Variants in APBB2 observed in about 807,000 individuals in gnomAD.
APBB2 encodes amyloid beta precursor protein binding family B member 2, also known as Fe65-like 1.
A neutral mutation model predicts 82.5 loss-of-function variants in APBB2; 38 were observed. That is an observed-to-expected ratio of 0.46 (90% CI 0.36 to 0.60). The LOEUF (loss-of-function observed/expected upper bound fraction) is 0.60. Among genes scored for constraint, APBB2 ranks in the 20% least tolerant of loss-of-function variants. The pLI is 0.00. For synonymous variants in APBB2, 341 were observed against 368.2 expected, an observed-to-expected ratio of 0.93 and a Z score of 0.85; for missense variants, 772 against 972.3, an observed-to-expected ratio of 0.79 and a Z score of 2.74.
intron 1 of APBB2, among the ~76,000 whole-genome samples, chr4:41,206,623 C>T (rs1777998532): frequency 6.6e-6 from 1 of 152,064 alleles, no homozygotes; most frequent in Non-Finnish European, 1.5e-5. Flanking sequence ...GTCTCTACAC[C>T]CAAATCATGC....
chr4:40,864,812 C>T (rs1415374659), intron 12 of APBB2, among the ~76,000 whole-genome samples: 1 of 151,570 alleles, frequency 6.6e-6, no homozygotes, highest in East Asian at 1.9e-4. Flanking sequence ...TGTTATCCTC[C>T]ATGGTTCAGA....
intron 6 of APBB2, among the ~76,000 whole-genome samples, chr4:41,007,775 T>C (rs1807177230): frequency 6.6e-6 from 1 of 152,244 alleles, no homozygotes; most frequent in Admixed American, 6.5e-5. Context: ...TGAGTAACTT[T>C]ATGGAGCCTT....
chr4:41,082,928 C>T lies in APBB2; in HGVS notation c.-148-17255G>A, dbSNP rs141848142. Among the ~76,000 whole-genome samples, 78 of 151,994 alleles carry T rather than the reference C, an allele frequency of 5.1e-4. No individual in the cohort carries two copies. The East Asian group carries it at 0.013, about 26-fold the overall frequency. ...CTGTAATCCTAGCACCTTGGGAGGCCGAGGCGGGAAGATCACTTGAGGTCA... is the reference window on the plus strand; with the variant it reads ...CTGTAATCCTAGCACCTTGGGAGGCTGAGGCGGGAAGATCACTTGAGGTCA... On this transcript the variant is annotated intron_variant, in intron 3 of 17. Transcript: ENST00000508593.
chr4:41,164,273 G>T (rs1414307306), intron 1 of APBB2, among the ~76,000 whole-genome samples: 2 of 152,256 alleles, frequency 1.3e-5, no homozygotes, highest in Non-Finnish European at 2.9e-5. Flanking sequence ...CATCACAATG[G>T]CAGCTAAAAA....
chr4:40,930,116 A>G (rs1272034335), intron 10 of APBB2, among the ~76,000 whole-genome samples: 3 of 152,156 alleles, frequency 2.0e-5, no homozygotes, highest in Non-Finnish European at 4.4e-5. Flanking sequence ...AAATGAGAAA[A>G]TGTGAATAAA....
chr4:40,992,289 G>A (rs866800282), intron 6 of APBB2, among the ~76,000 whole-genome samples: 98 of 150,974 alleles, frequency 6.5e-4, no homozygotes, highest in African/African-American at 8.7e-4. Flanking sequence ...TCAGCCTCCC[G>A]AGTAGCTGGT....
chr4:40,880,525 C>T, intron 12 of APBB2: 1 of 985,452 alleles, frequency 1.0e-6, no homozygotes, highest in Non-Finnish European at 1.2e-6. Context: ...GTTATGACTT[C>T]CTCTGTTCTC....
intron 12 of APBB2, chr4:40,880,664 A>G (rs1249091345): frequency 1.0e-6 from 1 of 985,340 alleles, no homozygotes; most frequent in Admixed American, 6.1e-5. Context: ...AGAGAATCAA[A>G]CATGATAGAT....
chr4:41,199,610 G>A (rs574375035), intron 1 of APBB2, among the ~76,000 whole-genome samples: 3 of 152,238 alleles, frequency 2.0e-5, no homozygotes, highest in South Asian at 2.1e-4. Context: ...CTTAATAGAG[G>A]TGCCCATTTA....
At chr4:41,105,701 A>G (rs750215253) in intron 2 of APBB2, among the ~76,000 whole-genome samples, 20 of 152,050 alleles carry the variant, frequency 1.3e-4, no homozygotes, top group African/African-American at 4.1e-4. Flanking sequence ...TGGCTAACAC[A>G]GTGAAACCCC....
At chr4:40,831,355 CTG>C (rs1002020032) in intron 12 of APBB2, among the ~76,000 whole-genome samples, 3 of 151,786 alleles carry the variant, frequency 2.0e-5, no homozygotes, top group Non-Finnish European at 2.9e-5. Flanking sequence ...TGAGCCGAGA[CTG>C]TGCCACTGCA....
chr4:41,152,188 T>C (rs907086799), intron 1 of APBB2, among the ~76,000 whole-genome samples: 4 of 152,196 alleles, frequency 2.6e-5, no homozygotes, highest in African/African-American at 9.6e-5. Flanking sequence ...CTGGTCAATT[T>C]TGCATTTAGT....
rs569388932 is a variant in APBB2, at chr4:41,070,604, A to T, written c.-148-4931T>A. On this transcript the variant is annotated intron_variant, in intron 3 of 17. Coordinates refer to ENST00000508593, the MANE Select transcript of APBB2 (RefSeq NM_004307.2). ...GGCGTGAGCCACCATGCCTGGCCTG[A>T]ACACATTTTATATTACGCAGCAGCA... Among the ~76,000 whole-genome samples, 4 of 152,274 alleles carry T rather than the reference A, an allele frequency of 2.6e-5. No homozygotes were observed. The South Asian group carries it at 8.3e-4, about 32-fold the overall frequency.
In APBB2 at chr4:40,826,146, G is replaced by T; in HGVS notation, c.1733-176C>A. 1 of 598,112 alleles carries T rather than the reference G, an allele frequency of 1.7e-6. No homozygotes were observed. The highest frequency in any genetic ancestry group is 3.0e-6 in the Non-Finnish European group (1 of 329,178). The allele number at this position is 598,112 out of a possible 1,614,324, so 37.1% of individuals were successfully genotyped here. On this transcript the variant is annotated intron_variant, in intron 14 of 17. Transcript: ENST00000508593. This position sits in a 1 kb window ranked among gnomAD's most constrained non-coding sequence, Gnocchi z 4.5. ...GAGCAGCATTACTCCAGATATTGGG[G>T]CTCTGTTAAAATCCTGTTCAACTTT...
At chr4:41,100,950 T>C (rs919525636) in intron 2 of APBB2, among the ~76,000 whole-genome samples, 200 bp from the exon 3 acceptor site, 1 of 152,238 alleles carries the variant, frequency 6.6e-6, no homozygotes, top group African/African-American at 2.4e-5. Context: ...GGCAGTTCGA[T>C]CTGTCGCCTT....
At chr4:41,004,105 C>T (rs937735280) in intron 6 of APBB2, among the ~76,000 whole-genome samples, 5 of 148,928 alleles carry the variant, frequency 3.4e-5, no homozygotes, top group African/African-American at 1.2e-4. Context: ...TTTCAGTAGA[C>T]ACAGGGTTTC....
In APBB2 at chr4:40,893,448, T is replaced by C. The variant is rs878876743; in HGVS notation, c.1255-37A>G. ...TGAAAGAGGACAAGAAGTCACTCCATGGTTTGGTCAATCATATCAGTTTAC... is the reference window on the plus strand; with the variant it reads ...TGAAAGAGGACAAGAAGTCACTCCACGGTTTGGTCAATCATATCAGTTTAC... On this transcript the variant is annotated intron_variant, in intron 10 of 17. Coordinates refer to ENST00000508593, the MANE Select transcript of APBB2 (RefSeq NM_004307.2). 7.6e-6 allele frequency: 12 copies of C among 1,573,762 alleles called. 1 individual carries two copies. Among genetic ancestry groups the C allele is most frequent in the South Asian group, 3.5e-5 (3 of 84,542 alleles).
chr4:41,202,205 A>T (rs562204226), intron 1 of APBB2, among the ~76,000 whole-genome samples: 15 of 152,338 alleles, frequency 9.8e-5, no homozygotes, highest in African/African-American at 3.4e-4. Flanking sequence ...TGTACATATT[A>T]AACAGTAACT....
intron 12 of APBB2, among the ~76,000 whole-genome samples, chr4:40,879,335 A>G (rs1035208972): frequency 9.9e-5 from 15 of 152,046 alleles, no homozygotes; most frequent in Non-Finnish European, 1.8e-4. Context: ...TCATGACACG[A>G]TAATTCTCCT....
Sources: gnomAD v4.1 joint callset for allele counts (sites outside exome capture counted in the v4.1 genomes callset) on GRCh38, gnomAD v4.1.1 for gene constraint, Gnocchi (gnomAD v3.1) non-coding constraint, MANE v1.5 for transcripts, NCBI Gene and HGNC (gene_info 2026-07-23, HGNC 2026-07-21) for gene names.